The following TMEM132D variants were observed in gnomAD, a reference collection of about 807,000 sequenced individuals.
TMEM132D encodes the protein mature OL transmembrane protein.
TMEM132D carries 21 observed loss-of-function variants against 62.3 expected under a neutral mutation model. The ratio of observed to expected loss-of-function variants is 0.34; its 90% CI spans 0.24 to 0.49. TMEM132D has a LOEUF of 0.49. Ranked by LOEUF, TMEM132D falls within the 20% of genes least tolerant of loss-of-function variation. TMEM132D has a pLI of 0.99. For synonymous variants in TMEM132D, 621 were observed against 575.6 expected (o/e 1.08, Z -1.13); for missense variants, 1,346 against 1,402.8 (o/e 0.96, Z 0.65).
chr12:129,758,416 C>A lies in TMEM132D; in HGVS notation c.80-57718G>T, dbSNP rs4760003. ...GCAGATTTCATGCTGTAAGCTCTCACAATTCCTCCTTAATAAAATTAAAAT... is the reference window on the plus strand; with the variant it reads ...GCAGATTTCATGCTGTAAGCTCTCAAAATTCCTCCTTAATAAAATTAAAAT... On this transcript the variant is annotated intron_variant, in intron 1 of 8. Coordinates refer to ENST00000422113, the MANE Select transcript of TMEM132D (RefSeq NM_133448.3). 0.015 allele frequency among the ~76,000 whole-genome samples: 2,243 copies of A among 152,256 alleles called. 103 individuals carry two copies. The East Asian group carries it at 0.16, about 11-fold the overall frequency.
At chr12:129,542,832 C>T (rs1876620273) in intron 2 of TMEM132D, among the ~76,000 whole-genome samples, 1 of 152,064 alleles carries the variant, frequency 6.6e-6, no homozygotes, top group Non-Finnish European at 1.5e-5. Flanking sequence ...TTTACTGTAC[C>T]TTTTCTATGT....
rs58775767 is a variant in TMEM132D at position 129,199,102 on chromosome 12, CTTTTTT to C, written c.1443+10412_1443+10417del. On this transcript the variant is annotated intron_variant, in intron 5 of 8. Transcript: ENST00000422113. ...TCATTGCTATAACACGTCCATCTAC[CTTTTTT>C]TTTTTTTTTTTTTTTTTTTGAAACA... is the stretch of plus-strand genomic sequence containing the variant. Among the ~76,000 whole-genome samples, 74 of 95,820 alleles carry C rather than the reference CTTTTTT, an allele frequency of 7.7e-4. 1 individual carries two copies. The highest frequency in any genetic ancestry group is 4.1e-3 in the South Asian group (10 of 2,416). 62.9% of individuals were successfully genotyped at this position (95,820 alleles called of 152,430 possible).
At chr12:129,663,631 A>G (rs1593110798) in intron 2 of TMEM132D, among the ~76,000 whole-genome samples, 2 of 152,236 alleles carry the variant, frequency 1.3e-5, no homozygotes, top group East Asian at 3.9e-4. Context: ...AAGCAAGGAA[A>G]AAGAGGGAAA....
At chr12:129,262,919 C>G (rs1362702573) in intron 4 of TMEM132D, 2 of 152,584 alleles carry the variant, frequency 1.3e-5, no homozygotes, top group Non-Finnish European at 2.9e-5. Flanking sequence ...AGGAGGCTGA[C>G]AGCATGAACC....
chr12:129,465,869 G>A lies in TMEM132D; in HGVS notation c.1115+65190C>T, dbSNP rs375063537. The stretch of plus-strand genomic sequence containing the variant: ...AGCTAATTTTTGTATTTTTAGTAGA[G>A]ATGGGGTTTCACCACGTTGGCCAGG... On this transcript the variant is annotated intron_variant, in intron 3 of 8. Coordinates refer to ENST00000422113, the MANE Select transcript of TMEM132D (RefSeq NM_133448.3). 8.5e-5 allele frequency among the ~76,000 whole-genome samples: 13 copies of A among 152,270 alleles called. 1 individual carries two copies. In the South Asian group the frequency reaches 2.7e-3, roughly 32 times the overall value.
chr12:129,364,869 A>G (rs1347337141), intron 3 of TMEM132D, among the ~76,000 whole-genome samples: 1 of 152,212 alleles, frequency 6.6e-6, no homozygotes, highest in Non-Finnish European at 1.5e-5. Flanking sequence ...CCTAGACTGG[A>G]GAGGGTAGCT....
chr12:129,173,446 C>T (rs1256620725), intron 5 of TMEM132D, among the ~76,000 whole-genome samples: 1 of 152,176 alleles, frequency 6.6e-6, no homozygotes, highest in East Asian at 1.9e-4. Context: ...GCTTAAACAG[C>T]CTCTGTCTAG....
chr12:129,885,632 T>G (rs1044862452), intron 1 of TMEM132D, among the ~76,000 whole-genome samples: 3 of 152,350 alleles, frequency 2.0e-5, no homozygotes, highest in Admixed American at 1.3e-4. Context: ...CAACTCCTAA[T>G]AGAACACTTT....
chr12:129,533,641 T>C (rs1427285309), intron 2 of TMEM132D, among the ~76,000 whole-genome samples: 1 of 152,222 alleles, frequency 6.6e-6, no homozygotes, highest in African/African-American at 2.4e-5. Context: ...ATGAATCCTT[T>C]TCAAGTTCTT....
At chr12:129,415,704 T>C (rs1872097741) in intron 3 of TMEM132D, among the ~76,000 whole-genome samples, 1 of 152,170 alleles carries the variant, frequency 6.6e-6, no homozygotes, top group Non-Finnish European at 1.5e-5. Flanking sequence ...AATGATGTTG[T>C]CTATCTCGGT....
chr12:129,645,769 C>T (rs542841177), intron 2 of TMEM132D, among the ~76,000 whole-genome samples: 6 of 152,240 alleles, frequency 3.9e-5, no homozygotes, highest in South Asian at 4.1e-4. Flanking sequence ...AAGATGGTGA[C>T]GGAGTGACCT....
chr12:129,576,392 C>G (rs938571052), intron 2 of TMEM132D, among the ~76,000 whole-genome samples: 1 of 151,766 alleles, frequency 6.6e-6, no homozygotes, highest in African/African-American at 2.4e-5. Context: ...TCCAGAGAAA[C>G]AGAACAACAG....
Position 129,871,875 on chromosome 12 carries a change from C to T in TMEM132D, c.79+31386G>A, listed in dbSNP as rs148748985. 1.2e-3 allele frequency among the ~76,000 whole-genome samples: 183 copies of T among 152,272 alleles called. 1 individual carries two copies. Among genetic ancestry groups the T allele is most frequent in the African/African-American group, 3.9e-3 (161 of 41,558 alleles). On this transcript the variant is annotated intron_variant, in intron 1 of 8. Transcript: ENST00000422113. The stretch of plus-strand genomic sequence containing the variant: ...CACTAAAAATCCCCCATGGCCCTTC[C>T]GGCCTGGATGTGATCTTTCCATAGG...
chr12:129,716,654 C>G (rs1868586244), intron 1 of TMEM132D, among the ~76,000 whole-genome samples: 1 of 152,090 alleles, frequency 6.6e-6, no homozygotes. Flanking sequence ...GCAAAGGGGA[C>G]TTTGCAGATG....
chr12:129,084,463 T>A (rs1157573572), intron 6 of TMEM132D, 34 bp downstream of exon 6: 1 of 1,556,080 alleles, frequency 6.4e-7, no homozygotes, highest in Admixed American at 1.8e-5. Context: ...CACTTCCTCC[T>A]TAGCCTGCCA....
Position 129,124,972 on chromosome 12 carries a change from C to G in TMEM132D, c.1444-40270G>C, listed in dbSNP as rs762300272. On this transcript the variant is annotated intron_variant, in intron 5 of 8. Coordinates refer to ENST00000422113, the MANE Select transcript of TMEM132D (RefSeq NM_133448.3). ...ATTTCCCCACCTCATTACAATTAAG[C>G]GACTGCCTCTGTAACTAATCCTAAG... Among the ~76,000 whole-genome samples the G allele has an allele frequency of 3.3e-5, 5 of 152,110 alleles. No homozygotes were observed. The East Asian group carries it at 7.7e-4, about 23-fold the overall frequency.
intron 5 of TMEM132D, among the ~76,000 whole-genome samples, chr12:129,160,300 G>A (rs1285632678): frequency 2.6e-5 from 4 of 152,220 alleles, no homozygotes; most frequent in Non-Finnish European, 5.9e-5. Flanking sequence ...TGGAATAGTT[G>A]GCTTGGGAAG....
chr12:129,873,870 T>C (rs553431073), intron 1 of TMEM132D, among the ~76,000 whole-genome samples: 4 of 152,332 alleles, frequency 2.6e-5, no homozygotes, highest in African/African-American at 9.6e-5. Context: ...CATGAGACGA[T>C]AAATTTTAAA....
At chr12:129,402,011 G>A (rs1871638596) in intron 3 of TMEM132D, among the ~76,000 whole-genome samples, 1 of 152,206 alleles carries the variant, frequency 6.6e-6, no homozygotes, top group Non-Finnish European at 1.5e-5. Context: ...CACGTTCTCA[G>A]TGAAGCCTGG....
Sources: gnomAD v4.1 joint callset for allele counts (sites outside exome capture counted in the v4.1 genomes callset) on GRCh38, gnomAD v4.1.1 for gene constraint, MANE v1.5 for transcripts, NCBI Gene and HGNC (gene_info 2026-07-23, HGNC 2026-07-21) for gene names.